Variants in LRP1B observed in about 807,000 individuals in gnomAD.
The protein encoded by LRP1B is low-density lipoprotein receptor-related protein 1B.
Under a neutral mutation model 556.6 loss-of-function variants are expected in LRP1B, and 217 were observed. The observed-to-expected ratio is 0.39, with a 90% CI of 0.35 to 0.44. The LOEUF is 0.44. LRP1B is among the 20% of genes least tolerant of loss of function. The pLI, the probability that LRP1B is intolerant of heterozygous loss-of-function variation, is 1.00. For missense variants in LRP1B, 5,053 were observed against 5,620.8 expected (o/e 0.90, Z 3.23); for synonymous variants, 2,047 against 1,865.8 (o/e 1.10, Z -2.50).
chr2:140,553,421 TAAC>T (rs772156651), intron 43 of LRP1B, among the ~76,000 whole-genome samples: 2 of 73,112 alleles, frequency 2.7e-5, no homozygotes, highest in African/African-American at 9.0e-5. Context: ...ATTGTGCTCT[TAAC>T]ACACACACAC....
intron 9 of LRP1B, among the ~76,000 whole-genome samples, chr2:141,055,661 C>G (rs1248034455): frequency 1.3e-5 from 2 of 151,778 alleles, no homozygotes; most frequent in Non-Finnish European, 2.9e-5. Context: ...GAAAGGATTT[C>G]CTTTGAAATG....
At chr2:141,194,442 C>T (rs1681660283) in intron 6 of LRP1B, among the ~76,000 whole-genome samples, 1 of 152,022 alleles carries the variant, frequency 6.6e-6, no homozygotes, top group African/African-American at 2.4e-5. Flanking sequence ...ATACACCTAC[C>T]TAAAAAAGGC....
chr2:141,265,026 C>T (rs1361971772), intron 3 of LRP1B, among the ~76,000 whole-genome samples: 2 of 152,162 alleles, frequency 1.3e-5, no homozygotes, highest in Non-Finnish European at 2.9e-5. Context: ...TGAGCCGCTG[C>T]TCCTGCTAAT....
chr2:142,076,354 T>C (rs918572676), intron 1 of LRP1B, among the ~76,000 whole-genome samples: 18 of 152,244 alleles, frequency 1.2e-4, no homozygotes, highest in Non-Finnish European at 2.5e-4. Flanking sequence ...AAAGGAACAT[T>C]AGGCTTATCC....
chr2:141,905,801 GT>G, intron 1 of LRP1B, among the ~76,000 whole-genome samples: 1 of 146,998 alleles, frequency 6.8e-6, no homozygotes, highest in African/African-American at 2.5e-5. Context: ...GTGTGTGTGT[GT>G]GTGGCTAGGT....
At chr2:140,465,877 A>G (rs1171164878) in intron 60 of LRP1B, among the ~76,000 whole-genome samples, 1 of 152,180 alleles carries the variant, frequency 6.6e-6, no homozygotes, top group African/African-American at 2.4e-5. Context: ...ACATTTCTAT[A>G]GTAACTGAAT....
chr2:140,405,319 CACTA>C (rs1684683953), intron 66 of LRP1B, among the ~76,000 whole-genome samples: 1 of 151,938 alleles, frequency 6.6e-6, no homozygotes, highest in South Asian at 2.1e-4. Flanking sequence ...GAGAAACAGG[CACTA>C]ACTAAACCCA....
In LRP1B at chr2:140,370,698, A is replaced by G; in HGVS notation, c.11008+12T>C. ...TCTCATTTACAGGCACACACACACA[A>G]AAATACCTTACCTCTTTCACAGTTC... On this transcript the variant is annotated intron_variant, in intron 71 of 90. Coordinates refer to ENST00000389484, the MANE Select transcript of LRP1B (RefSeq NM_018557.3). 6.2e-7 allele frequency: 1 copy of G among 1,611,962 alleles called. No homozygotes were observed. The highest frequency in any genetic ancestry group is 8.5e-7 in the Non-Finnish European group (1 of 1,178,670).
chr2:141,071,802 G>T (rs550518040), intron 7 of LRP1B, among the ~76,000 whole-genome samples: 2 of 152,228 alleles, frequency 1.3e-5, no homozygotes, highest in South Asian at 2.1e-4. Flanking sequence ...TACAAGGGAC[G>T]CGAAGGACCT....
intron 3 of LRP1B, among the ~76,000 whole-genome samples, chr2:141,314,635 G>C (rs2714172): frequency 1 from 150,294 of 150,422 alleles, 75,083 homozygotes; most frequent in Middle Eastern, 1. Flanking sequence ...ACTAAAAATA[G>C]AAAAAATTAG....
chr2:141,015,442 G>T (rs567159075), intron 13 of LRP1B, among the ~76,000 whole-genome samples: 10 of 152,134 alleles, frequency 6.6e-5, no homozygotes, highest in Non-Finnish European at 1.2e-4. Context: ...TTTTAAAACA[G>T]CTCTGATATC....
chr2:142,026,241 TAAAG>T (rs542588260), intron 1 of LRP1B, among the ~76,000 whole-genome samples: 194 of 152,246 alleles, frequency 1.3e-3, no homozygotes, highest in African/African-American at 4.5e-3. Context: ...ATTTTTAACT[TAAAG>T]AACACATCTG....
At chr2:141,949,298 A>T (rs1254821424) in intron 1 of LRP1B, among the ~76,000 whole-genome samples, 1 of 152,132 alleles carries the variant, frequency 6.6e-6, no homozygotes, top group African/African-American at 2.4e-5. Context: ...TCAGAAACTC[A>T]CCGTCTATTT....
intron 11 of LRP1B, among the ~76,000 whole-genome samples, chr2:141,021,779 G>A (rs890839953): frequency 6.6e-6 from 1 of 151,788 alleles, no homozygotes; most frequent in African/African-American, 2.4e-5. Flanking sequence ...CTGACACTTG[G>A]GTAAGCAAAT....
intron 1 of LRP1B, among the ~76,000 whole-genome samples, chr2:142,042,090 G>C (rs538847301): frequency 6.6e-6 from 1 of 151,476 alleles, no homozygotes; most frequent in East Asian, 2.0e-4. Flanking sequence ...TCAATAGTTA[G>C]TTTCTCCTGC....
intron 10 of LRP1B, among the ~76,000 whole-genome samples, chr2:141,053,331 T>C (rs532969900): frequency 2.2e-4 from 33 of 152,008 alleles, no homozygotes; most frequent in African/African-American, 7.7e-4. Flanking sequence ...TCCACAGCAG[T>C]CTTCCTCCAT....
At position 140,656,447 on chromosome 2, in the gene LRP1B, G is replaced by A. The variant is rs147125097; in HGVS notation, c.6799+43803C>T. On this transcript the variant is annotated intron_variant, in intron 41 of 90. Coordinates refer to ENST00000389484, the MANE Select transcript of LRP1B (RefSeq NM_018557.3). ...ATGCCAGGAAAGCAGTAAAGGAAGAGATTTGTTTTGCTTTGTTTTTTTCCC... is the reference window on the plus strand; with the variant it reads ...ATGCCAGGAAAGCAGTAAAGGAAGAAATTTGTTTTGCTTTGTTTTTTTCCC... Among the ~76,000 whole-genome samples, 466 of 152,226 alleles carry A rather than the reference G, an allele frequency of 3.1e-3. 2 individuals are homozygous for A. The highest frequency in any genetic ancestry group is 0.011 in the African/African-American group (452 of 41,544).
At chr2:141,401,398 T>C (rs4485511) in intron 3 of LRP1B, among the ~76,000 whole-genome samples, 91,100 of 152,002 alleles carry the variant, frequency 0.6, 28,073 homozygotes, top group Non-Finnish European at 0.67. Flanking sequence ...AATACAATTT[T>C]TTAAATACAT....
In LRP1B at chr2:140,345,245, A is replaced by T. The variant is rs551513600; in HGVS notation, c.11892+5552T>A. ...AAATCATACCTACTTGTGCTCTCTG[A>T]TGTCTGCCTCCTCCATATTCCCTAA... On this transcript the variant is annotated intron_variant, in intron 77 of 90. Transcript: ENST00000389484. Among the ~76,000 whole-genome samples, 12 of 151,870 alleles carry T rather than the reference A, an allele frequency of 7.9e-5. No individual in the cohort carries two copies. The East Asian group carries it at 2.3e-3, about 30-fold the overall frequency.
Sources: allele counts gnomAD v4.1 joint callset (sites outside exome capture counted in the v4.1 genomes callset), GRCh38; gene constraint gnomAD v4.1.1; transcripts MANE v1.5; gene names NCBI Gene and HGNC (gene_info 2026-07-23, HGNC 2026-07-21).